The following SMIM14 variants were observed in gnomAD, a reference collection of about 807,000 sequenced individuals.
The protein encoded by SMIM14 is chromosome 4 open reading frame 34.
A neutral mutation model predicts 12.6 loss-of-function variants in SMIM14; 5 were observed. That is an observed-to-expected ratio of 0.40 (90% CI 0.21 to 0.83). SMIM14 has a LOEUF of 0.83. SMIM14 is among the 40% of genes least tolerant of loss of function. SMIM14 has a pLI of 0.37. For synonymous variants in SMIM14, 30 were observed against 40.1 expected (o/e 0.75, Z 0.95); for missense variants, 86 against 119.1 (o/e 0.72, Z 1.29).
chr4:39,576,277 A>C (rs536881455), intron 2 of SMIM14, among the ~76,000 whole-genome samples: 1 of 151,876 alleles, frequency 6.6e-6, no homozygotes, highest in Admixed American at 6.6e-5. Context: ...TCAGAGACCC[A>C]TGCAGAGAAT....
chr4:39,563,041 A>C (rs1172490643), intron 3 of SMIM14, among the ~76,000 whole-genome samples: 1 of 151,798 alleles, frequency 6.6e-6, no homozygotes, highest in Non-Finnish European at 1.5e-5. Context: ...CCTCTGCTCT[A>C]GTCACCCCCA....
At chr4:39,595,857 C>T (rs897233821) in intron 2 of SMIM14, among the ~76,000 whole-genome samples, 3 of 152,056 alleles carry the variant, frequency 2.0e-5, no homozygotes, top group African/African-American at 7.2e-5. Context: ...TGATCGGTGG[C>T]CTCTGCCTCC....
intron 1 of SMIM14, among the ~76,000 whole-genome samples, chr4:39,630,251 G>C (rs1715851140): frequency 6.6e-6 from 1 of 151,982 alleles, no homozygotes; most frequent in South Asian, 2.1e-4. Context: ...TTAATAATTA[G>C]CCAGGCATGC....
At chr4:39,615,358 T>A (rs1430380312) in intron 1 of SMIM14, among the ~76,000 whole-genome samples, 3 of 152,210 alleles carry the variant, frequency 2.0e-5, no homozygotes, top group Non-Finnish European at 2.9e-5. Context: ...TTAAAAAATG[T>A]CAAGTCCAAA....
chr4:39,555,826 G>C (rs1015225693), intron 4 of SMIM14, among the ~76,000 whole-genome samples: 23 of 152,310 alleles, frequency 1.5e-4, no homozygotes, highest in Admixed American at 7.2e-4. Context: ...AAGCTACTAA[G>C]AGTTTAGGGG....
intron 1 of SMIM14, among the ~76,000 whole-genome samples, chr4:39,623,327 T>C (rs1360069826): frequency 6.6e-6 from 1 of 152,132 alleles, no homozygotes; most frequent in Non-Finnish European, 1.5e-5. Flanking sequence ...TATTAATACA[T>C]AAAAGGTTTT....
At chr4:39,559,058 T>C (rs1712158093) in intron 3 of SMIM14, among the ~76,000 whole-genome samples, 1 of 152,182 alleles carries the variant, frequency 6.6e-6, no homozygotes, top group Non-Finnish European at 1.5e-5. Context: ...AGCTATCCAC[T>C]TGGACTCCCC....
intron 1 of SMIM14, among the ~76,000 whole-genome samples, chr4:39,631,556 G>C (rs1715899819): frequency 6.6e-6 from 1 of 151,900 alleles, no homozygotes. Context: ...CTACTCGGGA[G>C]GCTGAGGCAG....
intron 2 of SMIM14, among the ~76,000 whole-genome samples, chr4:39,579,609 G>A (rs556773072): frequency 1.6e-4 from 24 of 151,922 alleles, no homozygotes; most frequent in African/African-American, 3.1e-4. Flanking sequence ...TTGAAAGGCC[G>A]AGGTGGGCAG....
chr4:39,637,235 ATCT>A (rs1236305090), intron 1 of SMIM14, among the ~76,000 whole-genome samples: 2 of 152,184 alleles, frequency 1.3e-5, no homozygotes, highest in Non-Finnish European at 2.9e-5. Context: ...TTTTATCAAC[ATCT>A]TCTCTATTAC....
At chr4:39,614,852 C>T (rs566447314) in intron 1 of SMIM14, among the ~76,000 whole-genome samples, 5 of 152,192 alleles carry the variant, frequency 3.3e-5, no homozygotes, top group African/African-American at 9.6e-5. Flanking sequence ...GTTGGGAAGG[C>T]AAAAAGCAAT....
In SMIM14 at chr4:39,550,167, C is replaced by T. The variant is rs1322716209; in HGVS notation, c.*1959G>A. On this transcript the variant is annotated 3_prime_UTR_variant, in exon 5 of 5. Transcript: ENST00000295958. ...AGATCTAAACAGTGAATAGACTGAC[C>T]TAAGGGGAAAAAAATCCTTACATTG... is the stretch of plus-strand genomic sequence containing the variant. The T allele has an allele frequency of 6.6e-6, 1 of 152,084 alleles. No individual in the cohort carries two copies. The highest frequency in any genetic ancestry group is 1.5e-5 in the Non-Finnish European group (1 of 68,010). 9.4% of individuals were successfully genotyped at this position (152,084 alleles called of 1,614,324 possible).
At chr4:39,565,237 A>C (rs1712513046) in intron 3 of SMIM14, among the ~76,000 whole-genome samples, 1 of 152,166 alleles carries the variant, frequency 6.6e-6, no homozygotes, top group Non-Finnish European at 1.5e-5. Flanking sequence ...AAAGAAAAAG[A>C]TTAAATCAAA....
chr4:39,555,759 C>A, intron 4 of SMIM14, among the ~76,000 whole-genome samples: 1 of 152,046 alleles, frequency 6.6e-6, no homozygotes. Flanking sequence ...TAAAATAAGA[C>A]AGGCTCAGTG....
intron 2 of SMIM14, among the ~76,000 whole-genome samples, chr4:39,575,085 T>TTG (rs1553862884): frequency 6.7e-6 from 1 of 149,498 alleles, no homozygotes; most frequent in East Asian, 1.9e-4. Flanking sequence ...AATAGTTTTT[T>TTG]TTTTTTTTTT....
intron 1 of SMIM14, among the ~76,000 whole-genome samples, chr4:39,624,753 G>A (rs1436918296): frequency 6.6e-6 from 1 of 150,518 alleles, no homozygotes; most frequent in African/African-American, 2.5e-5. Flanking sequence ...GAACCTAGGA[G>A]GCGGAGGTTG....
At chr4:39,586,739 G>C (rs1019107690) in intron 2 of SMIM14, among the ~76,000 whole-genome samples, 1 of 152,054 alleles carries the variant, frequency 6.6e-6, no homozygotes, top group African/African-American at 2.4e-5. Flanking sequence ...ATTTGTTATA[G>C]TAGCATCCCA....
At chr4:39,604,680 G>A (rs998916980) in intron 2 of SMIM14, among the ~76,000 whole-genome samples, 2 of 151,064 alleles carry the variant, frequency 1.3e-5, no homozygotes, top group Non-Finnish European at 1.5e-5. Context: ...GCATGATCTC[G>A]GCTCACAACA....
At chr4:39,606,279 AAGGCT>A in intron 1 of SMIM14, among the ~76,000 whole-genome samples, 1 of 151,786 alleles carries the variant, frequency 6.6e-6, no homozygotes, top group East Asian at 2.0e-4. Flanking sequence ...CCTGGCAGTC[AAGGCT>A]GCAATAAGCC....
Sources: allele counts gnomAD v4.1 joint callset (sites outside exome capture counted in the v4.1 genomes callset), GRCh38; gene constraint gnomAD v4.1.1; transcripts MANE v1.5; gene names NCBI Gene and HGNC (gene_info 2026-07-23, HGNC 2026-07-21).